PIGN: variants seen among roughly 807,000 people sequenced by gnomAD.
PIGN encodes phosphatidylinositol glycan anchor biosynthesis class N.
Under a neutral mutation model 125.4 loss-of-function variants are expected in PIGN, and 117 were observed. The observed-to-expected ratio is 0.93, with a 90% confidence interval of 0.80 to 1.09. PIGN has a LOEUF of 1.09. Ranked by LOEUF, PIGN falls within the 50% of genes least tolerant of loss-of-function variation. The pLI is 0.00. For missense variants in PIGN, 1,075 were observed against 1,094.9 expected (o/e 0.98, Z 0.26); for synonymous variants, 392 against 377.8 (o/e 1.04, Z -0.44).
intron 2 of PIGN, chr18:62,162,581 T>C (rs1050808992): frequency 4.6e-5 from 7 of 152,136 alleles, no homozygotes; most frequent in South Asian, 2.1e-4. Flanking sequence ...AAAGAAAACA[T>C]GATAGAGCAA....
At chr18:62,080,827 G>T (rs2033414270) in intron 28 of PIGN, among the ~76,000 whole-genome samples, 2 of 152,094 alleles carry the variant, frequency 1.3e-5, no homozygotes, top group Admixed American at 1.3e-4. Flanking sequence ...CTGTTAGTTA[G>T]ATTTTCATTG....
At chr18:62,176,993 T>C (rs1363266691) in intron 1 of PIGN, among the ~76,000 whole-genome samples, 1 of 152,000 alleles carries the variant, frequency 6.6e-6, no homozygotes, top group Non-Finnish European at 1.5e-5. Flanking sequence ...GGAGTCTGAA[T>C]CTATACTCAA....
chr18:62,081,861 G>A (rs183818340), intron 28 of PIGN, among the ~76,000 whole-genome samples: 282 of 152,078 alleles, frequency 1.9e-3, no homozygotes, highest in Non-Finnish European at 3.1e-3. Flanking sequence ...TTAAGCAGTG[G>A]AAGAAAAACT....
chr18:62,069,170 A>C (rs973345652), intron 30 of PIGN, among the ~76,000 whole-genome samples: 1 of 152,258 alleles, frequency 6.6e-6, no homozygotes, highest in Non-Finnish European at 1.5e-5. Flanking sequence ...ACTGGTAATA[A>C]GAGTAAACAA....
intron 1 of PIGN, among the ~76,000 whole-genome samples, chr18:62,175,082 T>TATAA (rs1247568378): frequency 6.8e-6 from 1 of 146,334 alleles, no homozygotes; most frequent in East Asian, 2.0e-4. Flanking sequence ...ATATATTTAA[T>TATAA]ATATCTAATA....
In PIGN at chr18:62,044,761, C is replaced by T. The variant is rs2030541634; in HGVS notation, c.*1095G>A. On this transcript the variant is annotated 3_prime_UTR_variant, in exon 31 of 31. Transcript: ENST00000640252. ...TTACTTCTTAAAAATAGGGCGCATA[C>T]CAGGAAAGCTTAGCATCAGCCAAAG... 2 of 152,094 alleles carry T rather than the reference C, an allele frequency of 1.3e-5. No individual in the cohort carries two copies. The highest frequency in any genetic ancestry group is 2.1e-4 in the South Asian group (1 of 4,828). The allele number at this position is 152,094 out of a possible 1,614,324, so 9.4% of individuals were successfully genotyped here.
intron 4 of PIGN, among the ~76,000 whole-genome samples, chr18:62,160,156 G>T (rs2036895617): frequency 6.6e-6 from 1 of 152,062 alleles, no homozygotes; most frequent in South Asian, 2.1e-4. Flanking sequence ...AATGATAGGA[G>T]GTAATGATGA....
At chr18:62,084,489 C>T in intron 27 of PIGN, 42 bp downstream of exon 27, 2 of 1,224,026 alleles carry the variant, frequency 1.6e-6, no homozygotes, top group Non-Finnish European at 2.3e-6. Context: ...TAATCTTAAT[C>T]AATCAATAGC....
At chr18:62,032,992 T>C (rs1191574839) in intron 23 of PIGN, among the ~76,000 whole-genome samples, 1 of 152,244 alleles carries the variant, frequency 6.6e-6, no homozygotes, top group African/African-American at 2.4e-5. Context: ...GTTTTTAGGA[T>C]ACAAATGGCT....
chr18:62,150,793 G>T (rs573454090), intron 7 of PIGN, among the ~76,000 whole-genome samples: 1 of 152,154 alleles, frequency 6.6e-6, no homozygotes, highest in South Asian at 2.1e-4. Flanking sequence ...TCCACCTCCC[G>T]GGTTCAAGCG....
At chr18:62,163,282 A>T (rs184218143) in intron 2 of PIGN, among the ~76,000 whole-genome samples, 1 of 152,152 alleles carries the variant, frequency 6.6e-6, no homozygotes. Flanking sequence ...AAAAAGGACT[A>T]CGGTACACCT....
intron 16 of PIGN, chr18:62,112,785 G>A (rs1435710707): frequency 1.4e-5 from 4 of 277,274 alleles, no homozygotes; most frequent in Admixed American, 5.2e-5. Context: ...ATATTGTTTT[G>A]AAGTAGTTTT....
chr18:62,117,502 T>C (rs2035130861), intron 14 of PIGN, among the ~76,000 whole-genome samples: 1 of 152,026 alleles, frequency 6.6e-6, no homozygotes, highest in Admixed American at 6.6e-5. Flanking sequence ...AAATAGATTT[T>C]TAAAATAGGG....
intron 30 of PIGN, among the ~76,000 whole-genome samples, chr18:62,046,406 C>T (rs940657112): frequency 2.6e-5 from 4 of 151,570 alleles, no homozygotes; most frequent in Admixed American, 6.6e-5. Flanking sequence ...GCCCGAGCTC[C>T]GCCTCCTGTC....
intron 1 of PIGN, among the ~76,000 whole-genome samples, chr18:62,176,162 A>G (rs974754196): frequency 6.6e-6 from 1 of 152,206 alleles, no homozygotes; most frequent in Admixed American, 6.5e-5. Flanking sequence ...TTTCTCTAAC[A>G]TTATGTTAGA....
intron 1 of PIGN, among the ~76,000 whole-genome samples, chr18:62,170,446 T>C (rs1478169876): frequency 2.0e-5 from 3 of 152,226 alleles, no homozygotes; most frequent in Non-Finnish European, 4.4e-5. Context: ...TATGTTGATC[T>C]ACGATCAGTG....
chr18:62,034,859 G>T lies in PIGN; in HGVS notation c.2143-17118C>A, dbSNP rs371502196. ...TACTGAAATGAATTAAGACTTTGGGGGACTGTTGGGATGGCATGATTGGTT... is the reference window on the plus strand; with the variant it reads ...TACTGAAATGAATTAAGACTTTGGGTGACTGTTGGGATGGCATGATTGGTT... On this transcript the variant is annotated intron_variant, in intron 23 of 24. Transcript: ENST00000639600. Among the ~76,000 whole-genome samples the T allele has an allele frequency of 4.9e-4, 74 of 152,244 alleles. 1 individual carries two copies. The highest frequency in any genetic ancestry group is 3.5e-3 in the East Asian group (18 of 5,184).
At chr18:62,155,442 G>A (rs903014555) in intron 6 of PIGN, among the ~76,000 whole-genome samples, 13 of 152,054 alleles carry the variant, frequency 8.5e-5, no homozygotes, top group African/African-American at 1.9e-4. Context: ...GGTGGTGTGC[G>A]CTTGTAATCC....
At position 62,043,363 on chromosome 18, in the gene PIGN, T is replaced by G. The variant is rs1385973788; in HGVS notation, c.*2493A>C. On this transcript the variant is annotated 3_prime_UTR_variant, in exon 31 of 31. Coordinates refer to ENST00000640252, the MANE Select transcript of PIGN (RefSeq NM_176787.5). ...AATCATGTTTTTAATGGCACAGTTA[T>G]ATGTCAAAAAGGAGGAGAAAAGGAG... 1.3e-5 allele frequency: 2 copies of G among 152,168 alleles called. No homozygotes were observed. The highest frequency in any genetic ancestry group is 4.8e-5 in the African/African-American group (2 of 41,436). The allele number at this position is 152,168 out of a possible 1,614,324, so 9.4% of individuals were successfully genotyped here.
Sources: allele counts gnomAD v4.1 joint callset (sites outside exome capture counted in the v4.1 genomes callset), GRCh38; gene constraint gnomAD v4.1.1; transcripts MANE v1.5; gene names NCBI Gene and HGNC (gene_info 2026-07-23, HGNC 2026-07-21).